The following CD96 variants were observed in gnomAD, a reference collection of about 807,000 sequenced individuals.
CD96 encodes the protein T-cell surface protein tactile.
In CD96, 70 loss-of-function variants were observed where a neutral mutation model predicts 71.3. The observed-to-expected ratio is 0.98, with a 90% CI of 0.81 to 1.20. The LOEUF (loss-of-function observed/expected upper bound fraction) is 1.20. Ranked by LOEUF, CD96 falls within the 50% of genes most tolerant of loss-of-function variation. CD96 has a pLI of 0.00. For synonymous variants in CD96, 248 were observed against 233.0 expected (o/e 1.06, Z -0.59); for missense variants, 742 against 677.5 (o/e 1.10, Z -1.06).
At chr3:111,645,657 G>C (rs1939795161) in intron 12 of CD96, among the ~76,000 whole-genome samples, 2 of 152,142 alleles carry the variant, frequency 1.3e-5, no homozygotes, top group South Asian at 4.1e-4. Flanking sequence ...CTAGTCCTGA[G>C]TTGACCAATT....
chr3:111,543,635 T>C (rs916434881), intron 1 of CD96, among the ~76,000 whole-genome samples: 2 of 152,250 alleles, frequency 1.3e-5, no homozygotes, highest in Non-Finnish European at 2.9e-5. Flanking sequence ...AAGTATAGGT[T>C]ACTTAGAAGT....
At chr3:111,629,825 A>G (rs1254540325) in intron 10 of CD96, among the ~76,000 whole-genome samples, 1 of 152,236 alleles carries the variant, frequency 6.6e-6, no homozygotes, top group African/African-American at 2.4e-5. Flanking sequence ...CTCTCAGACC[A>G]CAGCACAATC....
intron 2 of CD96, among the ~76,000 whole-genome samples, chr3:111,563,873 C>T (rs746831294): frequency 6.6e-6 from 1 of 152,156 alleles, no homozygotes; most frequent in Non-Finnish European, 1.5e-5. Context: ...AGGCTCATAG[C>T]AGCAATATTC....
chr3:111,663,028 C>A lies in CD96; in HGVS notation c.*53-2499C>A, dbSNP rs560848603. ...GGAGAAAAGAGGTTTAACTGACTCGCAATTCCACAGGCTATACAGGAAGCA... is the reference window on the plus strand; with the variant it reads ...GGAGAAAAGAGGTTTAACTGACTCGAAATTCCACAGGCTATACAGGAAGCA... On this transcript the variant is annotated intron_variant and NMD_transcript_variant, in intron 14 of 14. Coordinates refer to the CD96 transcript ENST00000494798. Among the ~76,000 whole-genome samples, 4 of 152,254 alleles carry A rather than the reference C, an allele frequency of 2.6e-5. No individual in the cohort carries two copies. The South Asian group carries it at 8.3e-4, about 32-fold the overall frequency.
intron 4 of CD96, among the ~76,000 whole-genome samples, chr3:111,584,669 A>T (rs1204018049): frequency 6.6e-6 from 1 of 152,176 alleles, no homozygotes; most frequent in African/African-American, 2.4e-5. Flanking sequence ...GACCCACCAG[A>T]TCTCATGAAA....
At chr3:111,622,866 A>G (rs1938578219) in intron 8 of CD96, among the ~76,000 whole-genome samples, 1 of 152,190 alleles carries the variant, frequency 6.6e-6, no homozygotes, top group Non-Finnish European at 1.5e-5. Flanking sequence ...TTTATTTCTT[A>G]GCACTTCCTA....
chr3:111,626,255 C>T (rs1377261613), intron 10 of CD96, among the ~76,000 whole-genome samples: 2 of 125,246 alleles, frequency 1.6e-5, no homozygotes, highest in Non-Finnish European at 3.1e-5. Context: ...GAGCCAAGAT[C>T]GAGATTGCGC....
At chr3:111,628,172 G>C (rs1443939809) in intron 10 of CD96, among the ~76,000 whole-genome samples, 1 of 152,190 alleles carries the variant, frequency 6.6e-6, no homozygotes, top group Admixed American at 6.5e-5. Flanking sequence ...CTGGGCTAAG[G>C]CTGAGATCAC....
At chr3:111,638,300 T>G in intron 12 of CD96, 132 bp downstream of exon 12, 1 of 728,612 alleles carries the variant, frequency 1.4e-6, no homozygotes, top group East Asian at 2.6e-5. Flanking sequence ...TTTTGAAGAT[T>G]ATAATCTATT....
At chr3:111,562,329 C>A (rs57681416) in intron 2 of CD96, among the ~76,000 whole-genome samples, 1 of 152,076 alleles carries the variant, frequency 6.6e-6, no homozygotes, top group Admixed American at 6.5e-5. Context: ...GGTCACACAT[C>A]CCTGATTCCT....
intron 5 of CD96, among the ~76,000 whole-genome samples, chr3:111,596,498 G>A (rs1029110435): frequency 5.9e-5 from 9 of 152,072 alleles, no homozygotes; most frequent in African/African-American, 9.7e-5. Context: ...AGTTGCCTTC[G>A]TAAAATAATA....
At chr3:111,655,527 A>T (rs1940208024), downstream of CD96, among the ~76,000 whole-genome samples, 1 of 152,220 alleles carries the variant, frequency 6.6e-6, no homozygotes, top group South Asian at 2.1e-4. Flanking sequence ...TAAAGGCTTC[A>T]GAAAGGAGGC....
chr3:111,552,759 G>A (rs1386711763), intron 2 of CD96, among the ~76,000 whole-genome samples: 2 of 152,054 alleles, frequency 1.3e-5, no homozygotes, highest in Non-Finnish European at 2.9e-5. Context: ...AGGAAGAAAG[G>A]GATTGTTTTG....
intron 10 of CD96, 76 bp downstream of exon 10, chr3:111,624,480 A>T (rs530726285): frequency 3.5e-6 from 3 of 845,964 alleles, no homozygotes; most frequent in Admixed American, 3.4e-5. Context: ...AACGACATCT[A>T]TGTGCTTTGT....
At chr3:111,615,679 A>T (rs1411314300) in intron 8 of CD96, among the ~76,000 whole-genome samples, 1 of 152,206 alleles carries the variant, frequency 6.6e-6, no homozygotes, top group African/African-American at 2.4e-5. Context: ...AGAATTATGT[A>T]TCTACTTGAG....
At chr3:111,564,269 A>T (rs1413583542) in intron 2 of CD96, among the ~76,000 whole-genome samples, 2 of 151,436 alleles carry the variant, frequency 1.3e-5, no homozygotes, top group African/African-American at 2.4e-5. Context: ...TTTATTGTAC[A>T]TATATTTTTA....
At chr3:111,653,524 A>G (rs989543164), downstream of CD96, among the ~76,000 whole-genome samples, 1 of 152,228 alleles carries the variant, frequency 6.6e-6, no homozygotes, top group African/African-American at 2.4e-5. Context: ...ATAACTTTGC[A>G]TTTATAGATC....
intron 14 of CD96, among the ~76,000 whole-genome samples, chr3:111,658,697 G>C (rs1220267230): frequency 6.6e-6 from 1 of 152,190 alleles, no homozygotes; most frequent in East Asian, 1.9e-4. Flanking sequence ...TCCTCCAAAT[G>C]TAATACTCTG....
At position 111,651,512 on chromosome 3, in the gene CD96, T is replaced by G. The variant is rs1376869896; in HGVS notation, c.*1706T>G. On this transcript the variant is annotated 3_prime_UTR_variant, in exon 14 of 14. Transcript: ENST00000352690. ...AAATACACTGTGGCTTCTTCTTTGA[T>G]CTCTCTTTGACCATACTGACACTGG... 6.6e-6 allele frequency: 1 copy of G among 152,148 alleles called. No individual in the cohort carries two copies. Among genetic ancestry groups the G allele is most frequent in the African/African-American group, 2.4e-5 (1 of 41,416 alleles). The allele number at this position is 152,148 out of a possible 1,614,324, so 9.4% of individuals were successfully genotyped here.
Sources: allele counts gnomAD v4.1 joint callset (sites outside exome capture counted in the v4.1 genomes callset), GRCh38; gene constraint gnomAD v4.1.1; transcripts MANE v1.5; gene names NCBI Gene and HGNC (gene_info 2026-07-23, HGNC 2026-07-21).